MYH11: variants seen among roughly 807,000 people sequenced by gnomAD.
MYH11 encodes myosin-11.
MYH11 carries 80 observed loss-of-function variants against 246.6 expected under a neutral mutation model. The ratio of observed to expected loss-of-function variants is 0.32; its 90% CI spans 0.27 to 0.39. MYH11 has a LOEUF of 0.39. Among genes scored for constraint, MYH11 ranks in the 10% least tolerant of loss-of-function variants. The pLI is 1.00. For missense variants in MYH11, 2,158 were observed against 2,546.8 expected (o/e 0.85, Z 3.29); for synonymous variants, 1,071 against 1,015.5 (o/e 1.05, Z -1.04).
At chr16:15,766,951 A>G (rs1459567753) in intron 9 of MYH11, among the ~76,000 whole-genome samples, 1 of 152,198 alleles carries the variant, frequency 6.6e-6, no homozygotes, top group Non-Finnish European at 1.5e-5. Flanking sequence ...CTCTGCAGTT[A>G]GAGAGTCCTG....
At chr16:15,798,253 C>A (rs558910772) in intron 4 of MYH11, among the ~76,000 whole-genome samples, 1 of 152,152 alleles carries the variant, frequency 6.6e-6, no homozygotes, top group Non-Finnish European at 1.5e-5. Flanking sequence ...GTGTTTGTGG[C>A]TTGATAAATG....
chr16:15,836,754 C>T (rs1256737618), intron 2 of MYH11, among the ~76,000 whole-genome samples: 49 of 77,950 alleles, frequency 6.3e-4, no homozygotes, highest in African/African-American at 2.1e-3. Context: ...GATGGAGTTT[C>T]GCTCTTATTG....
At chr16:15,814,209 G>A (rs912348695) in intron 3 of MYH11, among the ~76,000 whole-genome samples, 7 of 151,674 alleles carry the variant, frequency 4.6e-5, no homozygotes, top group Non-Finnish European at 1.0e-4. Context: ...AGAGAGGGGA[G>A]AACAGCAAAG....
At position 15,799,936 on chromosome 16, in the gene MYH11, A is replaced by G. The variant is rs373370350; in HGVS notation, c.503-1249T>C. Among the ~76,000 whole-genome samples the G allele has an allele frequency of 6.0e-4, 91 of 151,166 alleles. 1 individual carries two copies. In the South Asian group the frequency reaches 0.019, roughly 32 times the overall value. On this transcript the variant is annotated intron_variant, in intron 3 of 40. Transcript: ENST00000300036. Reference sequence around the variant, plus strand: ...GATTGAGGGATGGATGAGTAGATGGATGGGAAGATGAGTGGACGGAAGGAA... The same window carrying G: ...GATTGAGGGATGGATGAGTAGATGGGTGGGAAGATGAGTGGACGGAAGGAA...
rs1330273573 is a variant in MYH11, at chr16:15,703,907, G to A, written c.*84C>T. 1 of 1,586,838 alleles carries A rather than the reference G, an allele frequency of 6.3e-7. No individual in the cohort carries two copies. ...AGTACAGTCTGCTGGGTTTTGCTTT[G>A]TTCTGGGTTGTTGTTGGGTTTTTTT... On this transcript the variant is annotated 3_prime_UTR_variant, in exon 41 of 41. Coordinates refer to ENST00000300036, the MANE Select transcript of MYH11 (RefSeq NM_002474.3).
intron 3 of MYH11, among the ~76,000 whole-genome samples, chr16:15,814,369 A>G (rs569517963): frequency 1.3e-5 from 2 of 151,890 alleles, no homozygotes; most frequent in Admixed American, 1.3e-4. Context: ...CCTGACCAAC[A>G]TGGTTGAACC....
chr16:15,829,761 AG>A (rs1318628109), intron 2 of MYH11, among the ~76,000 whole-genome samples: 1 of 152,132 alleles, frequency 6.6e-6, no homozygotes, highest in Non-Finnish European at 1.5e-5. Context: ...AGCCCTGAGC[AG>A]GGGGTGCTCC....
intron 4 of MYH11, among the ~76,000 whole-genome samples, chr16:15,789,820 T>C (rs2042566704): frequency 6.6e-6 from 1 of 152,232 alleles, no homozygotes; most frequent in African/African-American, 2.4e-5. Context: ...ACCACTTGCG[T>C]AGGTGGTCAT....
At position 15,823,240 on chromosome 16, in the gene MYH11, CCT is replaced by C; in HGVS notation, c.502+13_502+14del. ...CTCCCTGGAGCTGGCCCCGTGCAGC[CCT>C]GAGTTCACTCACCTTGAAGCATGCT... On this transcript the variant is annotated intron_variant, in intron 3 of 40. Coordinates refer to ENST00000300036, the MANE Select transcript of MYH11 (RefSeq NM_002474.3). 2.5e-6 allele frequency: 4 copies of C among 1,613,996 alleles called. No homozygotes were observed. Among genetic ancestry groups the C allele is most frequent in the Non-Finnish European group, 3.4e-6 (4 of 1,180,026 alleles).
At position 15,785,008 on chromosome 16, in the gene MYH11, ATTTT is replaced by A. The variant is rs398028825; in HGVS notation, c.633+1618_633+1621del. On this transcript the variant is annotated intron_variant, in intron 5 of 40. Coordinates refer to ENST00000300036, the MANE Select transcript of MYH11 (RefSeq NM_002474.3). The stretch of plus-strand genomic sequence containing the variant: ...ACACCAGGCCCAGCTAATTCTCTTG[ATTTT>A]TTTTTTTTTTTTTTTTTGGTACAGA... 239 of 97,872 alleles carry A rather than the reference ATTTT, an allele frequency of 2.4e-3. 5 individuals carry two copies. The highest frequency in any genetic ancestry group is 6.8e-3 in the Middle Eastern group (1 of 148). 6.1% of individuals were successfully genotyped at this position (97,872 alleles called of 1,614,324 possible).
intron 3 of MYH11, 93 bp downstream of exon 3, chr16:15,823,162 C>T: frequency 6.4e-7 from 1 of 1,562,476 alleles, no homozygotes. Context: ...CTCGCAGTGC[C>T]TGCCAAACTC....
chr16:15,772,544 C>A (rs2042128118), intron 8 of MYH11, among the ~76,000 whole-genome samples: 1 of 152,170 alleles, frequency 6.6e-6, no homozygotes, highest in Non-Finnish European at 1.5e-5. Context: ...GCTTTTATCT[C>A]TTTTAGCTGC....
Position 15,786,376 on chromosome 16 carries a change from A to G in MYH11, c.633+254T>C, listed in dbSNP as rs1028543651. On this transcript the variant is annotated intron_variant, in intron 5 of 40. Coordinates refer to ENST00000300036, the MANE Select transcript of MYH11 (RefSeq NM_002474.3). ...CCCCGACGTGGAGGAAGATCTCGCT[A>G]TGGAAGGAAAGGGCTTATTCTCATT... 5.5e-5 allele frequency: 36 copies of G among 654,430 alleles called. No homozygotes were observed. The African/African-American group carries it at 5.5e-4, about 10-fold the overall frequency. 40.5% of individuals were successfully genotyped at this position (654,430 alleles called of 1,614,324 possible). A position where few individuals can be genotyped will look rare whatever the true frequency, so the allele number is the denominator to read the frequency against.
intron 27 of MYH11, among the ~76,000 whole-genome samples, chr16:15,727,798 C>T (rs1004661887): frequency 6.6e-6 from 1 of 152,144 alleles, no homozygotes; most frequent in South Asian, 2.1e-4. Flanking sequence ...TGTAGTGAGA[C>T]CCCCATCTCT....
chr16:15,748,305 G>A (rs2041475674), intron 16 of MYH11, 137 bp from the exon 17 acceptor site: 2 of 1,433,838 alleles, frequency 1.4e-6, no homozygotes, highest in South Asian at 1.2e-5. Flanking sequence ...GGGCTTAGCT[G>A]AGGGCCGAGG....
At chr16:15,725,783 G>A (rs946401861) in intron 28 of MYH11, 2 of 398,524 alleles carry the variant, frequency 5.0e-6, no homozygotes, top group Admixed American at 4.4e-5. Context: ...CAGGGTAAAT[G>A]GCTATGCCAA....
Position 15,753,246 on chromosome 16 carries a change from A to G in MYH11, c.1864+148T>C. The G allele has an allele frequency of 1.6e-5, 12 of 742,428 alleles. 1 individual carries two copies. In the South Asian group the frequency reaches 1.8e-4, roughly 11 times the overall value. 46.0% of individuals were successfully genotyped at this position (742,428 alleles called of 1,614,324 possible). A position where few individuals can be genotyped will look rare whatever the true frequency, so the allele number is the denominator to read the frequency against. ...CACTCAGGAAGAAATTGTTTCAACG[A>G]GACATCACCAGCCCATGCCAATGCT... On this transcript the variant is annotated intron_variant, in intron 15 of 40. Coordinates refer to ENST00000300036, the MANE Select transcript of MYH11 (RefSeq NM_002474.3).
In MYH11 at chr16:15,772,804, C is replaced by T. The variant is rs149385094; in HGVS notation, c.890-1092G>A. ...ATCGCTTGCATCACTGTCTGAGCTC[C>T]GCTTCCCATAAGATCAGCAGCAGCA... On this transcript the variant is annotated intron_variant, in intron 8 of 40. Coordinates refer to ENST00000300036, the MANE Select transcript of MYH11 (RefSeq NM_002474.3). Among the ~76,000 whole-genome samples, 36 of 152,186 alleles carry T rather than the reference C, an allele frequency of 2.4e-4. 1 individual carries two copies. In the East Asian group the frequency reaches 2.5e-3, roughly 11 times the overall value.
At chr16:15,834,652 A>C (rs2043843783) in intron 2 of MYH11, among the ~76,000 whole-genome samples, 1 of 152,206 alleles carries the variant, frequency 6.6e-6, no homozygotes, top group South Asian at 2.1e-4. Flanking sequence ...GAAAGTAAAG[A>C]TACATTTTGC....
Sources: allele counts gnomAD v4.1 joint callset (sites outside exome capture counted in the v4.1 genomes callset), GRCh38; gene constraint gnomAD v4.1.1; transcripts MANE v1.5; gene names NCBI Gene and HGNC (gene_info 2026-07-23, HGNC 2026-07-21).